Variants in TIAM1 observed in about 807,000 individuals in gnomAD.
TIAM1 encodes TIAM Rac1 associated GEF 1.
A neutral mutation model predicts 163.5 loss-of-function variants in TIAM1; 65 were observed. That is an observed-to-expected ratio of 0.40 (90% CI 0.33 to 0.49). The LOEUF (loss-of-function observed/expected upper bound fraction) is 0.49. Among genes scored for constraint, TIAM1 ranks in the 20% least tolerant of loss-of-function variants. The pLI, the probability that TIAM1 is intolerant of heterozygous loss-of-function variation, is 0.77. For missense variants in TIAM1, 1,789 were observed against 2,044.7 expected (o/e 0.87, Z 2.41); for synonymous variants, 833 against 810.1 (o/e 1.03, Z -0.48).
Position 31,182,350 on chromosome 21 carries a change from C to T in TIAM1, c.2887+71G>A, listed in dbSNP as rs570013863. The T allele has an allele frequency of 3.0e-5, 39 of 1,318,214 alleles. No individual in the cohort carries two copies. The African/African-American group carries it at 4.6e-4, about 16-fold the overall frequency. The allele number at this position is 1,318,214 out of a possible 1,614,324, so 81.7% of individuals were successfully genotyped here. ...GAGGCACTCACTGAAACACACAAGCCGCATGATAAACTCCCCGGGTCGTGG... is the reference window on the plus strand; with the variant it reads ...GAGGCACTCACTGAAACACACAAGCTGCATGATAAACTCCCCGGGTCGTGG... On this transcript the variant is annotated intron_variant, in intron 15 of 27. Transcript: ENST00000541036.
At chr21:31,137,962 C>T (rs1727985112) in intron 22 of TIAM1, among the ~76,000 whole-genome samples, 1 of 151,114 alleles carries the variant, frequency 6.6e-6, no homozygotes, top group Non-Finnish European at 1.5e-5. Flanking sequence ...GATGCTGTTC[C>T]TGTGCACAGG....
chr21:31,174,228 C>CA (rs1360529187), intron 15 of TIAM1, among the ~76,000 whole-genome samples: 1 of 152,244 alleles, frequency 6.6e-6, no homozygotes, highest in Non-Finnish European at 1.5e-5. Context: ...AATAGAACCT[C>CA]ACACTTCACG....
chr21:31,316,406 T>C (rs2075124989), intron 2 of TIAM1, among the ~76,000 whole-genome samples: 1 of 152,198 alleles, frequency 6.6e-6, no homozygotes, highest in Non-Finnish European at 1.5e-5. Flanking sequence ...CACCCTCAGA[T>C]GAAAAGGCAT....
chr21:31,436,545 T>C (rs566478572), intron 2 of TIAM1, among the ~76,000 whole-genome samples: 18 of 152,136 alleles, frequency 1.2e-4, no homozygotes, highest in African/African-American at 4.3e-4. Flanking sequence ...AAGAATCACT[T>C]GAACCTGGGA....
At chr21:31,499,580 G>A (rs946409940) in intron 1 of TIAM1, among the ~76,000 whole-genome samples, 31 of 149,942 alleles carry the variant, frequency 2.1e-4, no homozygotes, top group South Asian at 4.2e-4. Flanking sequence ...CGCTGAGCAC[G>A]GTGGCTCACG....
At chr21:31,242,266 T>G (rs914603735) in intron 6 of TIAM1, among the ~76,000 whole-genome samples, 1 of 152,158 alleles carries the variant, frequency 6.6e-6, no homozygotes, top group Admixed American at 6.5e-5. Flanking sequence ...ATGCCTGTAA[T>G]CCCAGCACTT....
At chr21:31,191,980 G>C (rs2085584306) in intron 13 of TIAM1, among the ~76,000 whole-genome samples, 1 of 152,124 alleles carries the variant, frequency 6.6e-6, no homozygotes, top group East Asian at 1.9e-4. Context: ...TCATTATGGA[G>C]CATCTAATTT....
chr21:31,311,153 T>A (rs9985121), intron 2 of TIAM1, among the ~76,000 whole-genome samples: 86,845 of 151,312 alleles, frequency 0.57, 25,311 homozygotes, highest in South Asian at 0.69. Flanking sequence ...AGGAAATGGT[T>A]TTTTTGTTTG....
intron 1 of TIAM1, among the ~76,000 whole-genome samples, chr21:31,523,917 CAAAAA>C (rs376067896): frequency 1.1e-5 from 1 of 92,250 alleles, no homozygotes; most frequent in Non-Finnish European, 2.2e-5. Flanking sequence ...GATTCCATCT[CAAAAA>C]AAAAAAAAAA....
intron 22 of TIAM1, among the ~76,000 whole-genome samples, chr21:31,136,593 CT>C (rs1390705402): frequency 6.6e-6 from 1 of 152,094 alleles, no homozygotes; most frequent in Non-Finnish European, 1.5e-5. Flanking sequence ...AAAGGCTCAT[CT>C]TTTTTTTCCC....
At chr21:31,506,952 A>T (rs2047049456) in intron 1 of TIAM1, among the ~76,000 whole-genome samples, 1 of 152,092 alleles carries the variant, frequency 6.6e-6, no homozygotes, top group Admixed American at 6.6e-5. Flanking sequence ...CTTAAGGCTA[A>T]ATCATATTCC....
intron 1 of TIAM1, among the ~76,000 whole-genome samples, chr21:31,512,999 T>A (rs1031273006): frequency 3.9e-5 from 6 of 152,132 alleles, no homozygotes; most frequent in Non-Finnish European, 7.3e-5. Flanking sequence ...ATAAACAATA[T>A]GAGACTGGAC....
chr21:31,532,699 G>T (rs2048008988), intron 1 of TIAM1, among the ~76,000 whole-genome samples: 1 of 152,148 alleles, frequency 6.6e-6, no homozygotes, highest in Non-Finnish European at 1.5e-5. Flanking sequence ...GCTTTGTGGG[G>T]TGAAGGGGCC....
intron 2 of TIAM1, among the ~76,000 whole-genome samples, chr21:31,299,295 T>C (rs1394751258): frequency 6.6e-6 from 1 of 152,212 alleles, no homozygotes; most frequent in East Asian, 1.9e-4. Flanking sequence ...CCCTCCTTTT[T>C]AAGTTGTAAA....
chr21:31,356,434 T>C (rs965333497), intron 2 of TIAM1, among the ~76,000 whole-genome samples: 1 of 152,226 alleles, frequency 6.6e-6, no homozygotes, highest in African/African-American at 2.4e-5. Flanking sequence ...TGAATGTTTG[T>C]GTCCCCTCAA....
At chr21:31,220,160 G>A (rs758502174) in intron 8 of TIAM1, among the ~76,000 whole-genome samples, 2 of 152,162 alleles carry the variant, frequency 1.3e-5, no homozygotes, top group Non-Finnish European at 2.9e-5. Context: ...ATATATTACT[G>A]TTTGCTTTCT....
chr21:31,150,909 A>G (rs946748484), intron 19 of TIAM1, among the ~76,000 whole-genome samples: 2 of 152,252 alleles, frequency 1.3e-5, no homozygotes, highest in African/African-American at 4.8e-5. Context: ...ACCCAGTAAA[A>G]TAAATGAGCA....
chr21:31,213,204 T>C, intron 10 of TIAM1, 194 bp downstream of exon 10: 2 of 509,868 alleles, frequency 3.9e-6, no homozygotes, highest in Non-Finnish European at 6.8e-6. Flanking sequence ...CAGGAGAATG[T>C]TCCCTCTACC....
intron 2 of TIAM1, among the ~76,000 whole-genome samples, chr21:31,335,845 A>G (rs1395673927): frequency 6.6e-6 from 1 of 152,230 alleles, no homozygotes; most frequent in East Asian, 1.9e-4. Flanking sequence ...CGAGTTTAGA[A>G]ATCAGATAAC....
Sources: allele counts gnomAD v4.1 joint callset (sites outside exome capture counted in the v4.1 genomes callset), GRCh38; gene constraint gnomAD v4.1.1; transcripts MANE v1.5; gene names NCBI Gene and HGNC (gene_info 2026-07-23, HGNC 2026-07-21).